HECW1: variants seen among roughly 807,000 people sequenced by gnomAD.
The protein encoded by HECW1 is E3 ubiquitin-protein ligase HECW1.
A neutral mutation model predicts 182.3 loss-of-function variants in HECW1; 61 were observed. The ratio of observed to expected loss-of-function variants is 0.33; its 90% CI spans 0.27 to 0.41. The LOEUF is 0.41. Among genes scored for constraint, HECW1 ranks in the 10% least tolerant of loss-of-function variants. The pLI is 1.00. For synonymous variants in HECW1, 859 were observed against 832.6 expected (o/e 1.03, Z -0.55); for missense variants, 1,739 against 2,108.9 (o/e 0.82, Z 3.44).
At chr7:43,488,505 A>AG in intron 17 of HECW1, among the ~76,000 whole-genome samples, 1 of 151,446 alleles carries the variant, frequency 6.6e-6, no homozygotes, top group Non-Finnish European at 1.5e-5. Context: ...AAAGAAAGAA[A>AG]AGAAAAGAAA....
chr7:43,558,323 C>T (rs1206535139), intron 29 of HECW1, among the ~76,000 whole-genome samples: 1 of 152,166 alleles, frequency 6.6e-6, no homozygotes, highest in Admixed American at 6.5e-5. Flanking sequence ...AGCTATGAGT[C>T]ATGAGCAATT....
intron 21 of HECW1, among the ~76,000 whole-genome samples, chr7:43,502,334 G>A (rs1189196076): frequency 6.6e-6 from 1 of 152,134 alleles, no homozygotes; most frequent in African/African-American, 2.4e-5. Flanking sequence ...CCAAGTGAGA[G>A]AATACATATG....
rs549214390 is a variant in HECW1, at chr7:43,483,547, C to CTTTTTTT, written c.3234+3816_3234+3822dup. On this transcript the variant is annotated intron_variant, in intron 17 of 29. Transcript: ENST00000395891. ...TTCCTAACAGTCATCCATGCAAACT[C>CTTTTTTT]TTTTTTTTTTTTTTTTTTTGAGCTA... Among the ~76,000 whole-genome samples the CTTTTTTT allele has an allele frequency of 4.8e-3, 567 of 118,978 alleles. 20 individuals carry two copies. The highest frequency in any genetic ancestry group is 7.3e-3 in the Non-Finnish European group (426 of 58,054). The allele number at this position is 118,978 out of a possible 152,430, so 78.1% of individuals were successfully genotyped here. A position where few individuals can be genotyped will look rare whatever the true frequency, so the allele number is the denominator to read the frequency against.
chr7:43,518,972 A>G (rs573551217), intron 24 of HECW1, among the ~76,000 whole-genome samples: 1 of 152,174 alleles, frequency 6.6e-6, no homozygotes, highest in South Asian at 2.1e-4. Context: ...ATAAACTAAA[A>G]TTTTTAAAAC....
chr7:43,393,634 C>T (rs1223143886), intron 6 of HECW1, among the ~76,000 whole-genome samples: 4 of 151,192 alleles, frequency 2.6e-5, no homozygotes, highest in African/African-American at 9.7e-5. Context: ...TGTCTCCTCA[C>T]TGAGCTTAGT....
chr7:43,186,089 C>A (rs897924810), intron 2 of HECW1, among the ~76,000 whole-genome samples: 1 of 152,150 alleles, frequency 6.6e-6, no homozygotes, highest in African/African-American at 2.4e-5. Context: ...AGATCAAGAG[C>A]AAGATAATCG....
At position 43,294,017 on chromosome 7, in the gene HECW1, T is replaced by C. The variant is rs142641019; in HGVS notation, c.28-17746T>C. Among the ~76,000 whole-genome samples the C allele has an allele frequency of 3.9e-4, 60 of 152,222 alleles. No homozygotes were observed. In the East Asian group the frequency reaches 0.011, roughly 28 times the overall value. ...GCCTGATAATCTGAGGTGGAACAGT[T>C]TCATTTTGAAAACACCCCCCACCAC... On this transcript the variant is annotated intron_variant, in intron 3 of 29. Coordinates refer to ENST00000395891, the MANE Select transcript of HECW1 (RefSeq NM_015052.5).
At position 43,320,722 on chromosome 7, in the gene HECW1, C is replaced by A. The variant is rs2152780682; in HGVS notation, c.440C>A (p.Ala147Asp). 1 of 1,613,452 alleles carries A rather than the reference C, an allele frequency of 6.2e-7. No individual in the cohort carries two copies. The highest frequency in any genetic ancestry group is 8.5e-7 in the Non-Finnish European group (1 of 1,179,394). Residue 147 changes from alanine (A) to aspartate (D), a missense_variant, in exon 5 of 30, where the codon GCC (alanine) becomes GAC (aspartate). By Grantham distance (126) the Ala-to-Asp change is moderately radical (BLOSUM62 -2). Around this residue, in one of 5 missense-constraint regions of HECW1, gnomAD observed 279 missense variants for 353.1 expected, o/e 0.79. Transcript: ENST00000395891. ...GGCCAGATCATCTGGAAGATCGATG[C>A]CAGCTCGTACTTTGTGGAACGTGAG... ...HRGQIIWKID[A>D]SSYFVEPETK...
At chr7:43,187,457 T>C (rs1304664269) in intron 2 of HECW1, among the ~76,000 whole-genome samples, 1 of 152,156 alleles carries the variant, frequency 6.6e-6, no homozygotes, top group Non-Finnish European at 1.5e-5. Flanking sequence ...GATTCGTGCT[T>C]TCAAATTTTA....
intron 15 of HECW1, among the ~76,000 whole-genome samples, chr7:43,468,017 T>C (rs1320866883): frequency 6.6e-6 from 1 of 151,892 alleles, no homozygotes; most frequent in Non-Finnish European, 1.5e-5. Flanking sequence ...CAGCCCTGGG[T>C]GCAGGTGGCA....
intron 2 of HECW1, among the ~76,000 whole-genome samples, chr7:43,218,057 T>C (rs1796595824): frequency 6.6e-6 from 1 of 152,154 alleles, no homozygotes; most frequent in Non-Finnish European, 1.5e-5. Flanking sequence ...GATTCCCCTT[T>C]GGAGGAGAGC....
Position 43,444,620 on chromosome 7 carries a change from A to G in HECW1, c.1448A>G (p.Lys483Arg), listed in dbSNP as rs746850455. 6.2e-7 allele frequency: 1 copy of G among 1,610,510 alleles called. No homozygotes were observed. The highest frequency in any genetic ancestry group is 1.1e-5 in the South Asian group (1 of 90,408). ...GACGGTGAAGCCCCAGCCAGCACCA[A>G]GGAGGAGCCCTTGGAGGAGGAAGCA... is the stretch of plus-strand genomic sequence containing the variant. ...LEDGEAPASTKEEPLEEEATT... is the reference protein window; with the variant it reads ...LEDGEAPASTREEPLEEEATT... The change falls in exon 11 of 30, where the codon AAG becomes AGG. Residue 483 changes from lysine to arginine, a missense_variant. Transcript: ENST00000395891. This position sits in a 1 kb window ranked among gnomAD's most constrained non-coding sequence, Gnocchi z 4.3.
At chr7:43,441,565 C>A (rs1363473354) in intron 9 of HECW1, among the ~76,000 whole-genome samples, 1 of 146,568 alleles carries the variant, frequency 6.8e-6, no homozygotes, top group Admixed American at 6.9e-5. Flanking sequence ...CTCTCTCTCT[C>A]TGTTTTAGAA....
At chr7:43,464,391 A>G (rs34260820) in intron 14 of HECW1, among the ~76,000 whole-genome samples, 25,057 of 152,146 alleles carry the variant, frequency 0.16, 2,260 homozygotes, top group Middle Eastern at 0.29. Context: ...TTCCCACTAC[A>G]GTAGGCATTC....
chr7:43,330,010 T>C (rs1055875663), intron 5 of HECW1, among the ~76,000 whole-genome samples: 1 of 152,114 alleles, frequency 6.6e-6, no homozygotes, highest in Non-Finnish European at 1.5e-5. Flanking sequence ...GAGGACGGAA[T>C]TCCATCGAGG....
chr7:43,318,307 A>C (rs1027753366), intron 4 of HECW1, among the ~76,000 whole-genome samples: 6 of 152,188 alleles, frequency 3.9e-5, no homozygotes, highest in Non-Finnish European at 1.5e-5. Context: ...AGCTAGGAAA[A>C]TATTATGCCT....
At chr7:43,547,564 T>C (rs60013107) in intron 26 of HECW1, among the ~76,000 whole-genome samples, 14,221 of 150,746 alleles carry the variant, frequency 0.094, 833 homozygotes, top group East Asian at 0.28. Context: ...AAAAAAAAGC[T>C]GTGTTTTCAA....
intron 5 of HECW1, among the ~76,000 whole-genome samples, chr7:43,354,528 A>G (rs191163293): frequency 1.8e-3 from 279 of 152,338 alleles, no homozygotes; most frequent in Non-Finnish European, 3.0e-3. Flanking sequence ...TGAAAAATTT[A>G]TTACACGTTC....
At chr7:43,359,218 A>G (rs554567847) in intron 5 of HECW1, among the ~76,000 whole-genome samples, 1 of 152,366 alleles carries the variant, frequency 6.6e-6, no homozygotes, top group Admixed American at 6.5e-5. Flanking sequence ...GTTTAGCTAC[A>G]TATAACAGAG....
Sources: gnomAD v4.1 joint callset for allele counts (sites outside exome capture counted in the v4.1 genomes callset) on GRCh38, gnomAD v4.1.1 for gene constraint, gnomAD v4.1.1 regional missense constraint, Gnocchi (gnomAD v3.1) non-coding constraint, MANE v1.5 for transcripts, NCBI Gene and HGNC (gene_info 2026-07-23, HGNC 2026-07-21) for gene names.